EIF3A: variants seen among roughly 807,000 people sequenced by gnomAD.
The protein encoded by EIF3A is eukaryotic translation initiation factor 3 subunit A.
EIF3A carries 21 observed loss-of-function variants against 186.6 expected under a neutral mutation model. The ratio of observed to expected loss-of-function variants is 0.11; its 90% CI spans 0.08 to 0.16. The LOEUF is 0.16. Among genes scored for constraint, EIF3A ranks in the 10% least tolerant of loss-of-function variants. The pLI, the probability that EIF3A is intolerant of heterozygous loss-of-function variation, is 1.00. For synonymous variants in EIF3A, 563 were observed against 584.3 expected (o/e 0.96, Z 0.52); for missense variants, 1,306 against 1,796.3 (o/e 0.73, Z 4.93).
In EIF3A at chr10:119,037,649, A is replaced by C. The variant is rs148906209; in HGVS notation, c.3729-340T>G. Among the ~76,000 whole-genome samples, 315 of 152,312 alleles carry C rather than the reference A, an allele frequency of 2.1e-3. 2 individuals are homozygous for C. The highest frequency in any genetic ancestry group is 7.3e-3 in the African/African-American group (303 of 41,566). ...AGCAGACACATTTTCTTCCTTGAAG[A>C]AAATTGCATCGAACACTGCTGGTCT... is the stretch of plus-strand genomic sequence containing the variant. On this transcript the variant is annotated intron_variant, in intron 20 of 21. Transcript: ENST00000369144.
Position 119,051,305 on chromosome 10 carries a change from A to C in EIF3A, c.2213T>G (p.Leu738Arg). Reference sequence around the variant, plus strand: ...ATGTTCAAGAGCCTTTTCACGTTCTAGCTGCATTGTAGTAATCTGCAAGTA... The same window carrying C: ...ATGTTCAAGAGCCTTTTCACGTTCTCGCTGCATTGTAGTAATCTGCAAGTA... ...QEEERITTMQLEREKALEHKN... is the reference protein window; with the variant it reads ...QEEERITTMQREREKALEHKN... Residue 738 changes from leucine (L) to arginine (R), a missense_variant, in exon 15 of 22, where the codon CTA becomes CGA. Around this residue, in one of 8 missense-constraint regions of EIF3A, gnomAD observed 410 missense variants for 473.5 expected, o/e 0.87. Transcript: ENST00000369144. The C allele has an allele frequency of 2.5e-6, 4 of 1,599,730 alleles. No individual in the cohort carries two copies. Among genetic ancestry groups the C allele is most frequent in the Non-Finnish European group, 3.4e-6 (4 of 1,175,658 alleles).
At position 119,040,454 on chromosome 10, in the gene EIF3A, G is replaced by A. The variant is rs114337820; in HGVS notation, c.3526+1540C>T. Among the ~76,000 whole-genome samples the A allele has an allele frequency of 8.5e-5, 13 of 152,332 alleles. No individual in the cohort carries two copies. The East Asian group carries it at 1.3e-3, about 16-fold the overall frequency. ...GATGGGTGGGCGTGAACAAGTGCAC[G>A]TGTATGTGATGGTAATGAGTCCAGT... On this transcript the variant is annotated intron_variant, in intron 19 of 21. Transcript: ENST00000369144.
chr10:119,036,308 T>C, intron 21 of EIF3A, 40 bp from the exon 22 acceptor site: 1 of 1,354,280 alleles, frequency 7.4e-7, no homozygotes, highest in Non-Finnish European at 1.0e-6. Context: ...AAGTTAGTAC[T>C]ATATTCTATT....
At chr10:119,037,977 C>T (rs972918375) in intron 20 of EIF3A, among the ~76,000 whole-genome samples, 1 of 125,474 alleles carries the variant, frequency 8.0e-6, no homozygotes, top group Admixed American at 1.1e-4. Context: ...AGTGCAATGG[C>T]GCTATCTCGG....
In EIF3A at chr10:119,042,929, G is replaced by C. The variant is rs975547276; in HGVS notation, c.2748-157C>G. Among the ~76,000 whole-genome samples, 2 of 152,178 alleles carry C rather than the reference G, an allele frequency of 1.3e-5. No individual in the cohort carries two copies. The highest frequency in any genetic ancestry group is 4.8e-5 in the African/African-American group (2 of 41,448). ...GCACTCTGGGAAGCAGAGGCAGGCAGATCACCTGAGGTCAGGAGTTCAAGA... is the reference window on the plus strand; with the variant it reads ...GCACTCTGGGAAGCAGAGGCAGGCACATCACCTGAGGTCAGGAGTTCAAGA... On this transcript the variant is annotated intron_variant, in intron 18 of 21. Transcript: ENST00000369144. This position sits in a 1 kb window ranked among gnomAD's most constrained non-coding sequence, Gnocchi z 7.8.
intron 14 of EIF3A, among the ~76,000 whole-genome samples, chr10:119,054,213 G>C (rs2119818990): frequency 6.6e-6 from 1 of 152,204 alleles, no homozygotes; most frequent in South Asian, 2.1e-4. Context: ...GAGCCACCAG[G>C]CCTGGCCTTC....
intron 4 of EIF3A, among the ~76,000 whole-genome samples, 170 bp from the exon 5 acceptor site, chr10:119,071,255 T>G (rs901429519): frequency 3.5e-4 from 53 of 152,236 alleles, no homozygotes; most frequent in African/African-American, 1.2e-3. Flanking sequence ...ACTACCTTTT[T>G]GAGTGAGCCC....
At chr10:119,059,020 T>C (rs1843837370) in intron 11 of EIF3A, among the ~76,000 whole-genome samples, 192 bp downstream of exon 11, 1 of 152,248 alleles carries the variant, frequency 6.6e-6, no homozygotes, top group Non-Finnish European at 1.5e-5. Flanking sequence ...GAGTAGTATT[T>C]TGTTCAATGG....
Position 119,037,366 on chromosome 10 carries a change from A to G in EIF3A, c.3729-57T>C, listed in dbSNP as rs577740594. ...TTACTGTTAGACCAAATGGATAATT[A>G]TAAGTACATCCAGTCCAAGCTGGGG... On this transcript the variant is annotated intron_variant, in intron 20 of 21. Transcript: ENST00000369144. The G allele has an allele frequency of 9.0e-5, 133 of 1,472,214 alleles. 1 individual carries two copies. Among genetic ancestry groups the G allele is most frequent in the South Asian group, 5.3e-4 (46 of 87,426 alleles). The allele number at this position is 1,472,214 out of a possible 1,614,324, so 91.2% of individuals were successfully genotyped here.
intron 1 of EIF3A, among the ~76,000 whole-genome samples, chr10:119,076,950 A>AAG (rs1554873808): frequency 0.011 from 1,723 of 151,604 alleles, 33 homozygotes; most frequent in African/African-American, 0.04. Flanking sequence ...AAAAAAAAAA[A>AAG]AAAGAAAATG....
At chr10:119,064,123 T>C (rs1190930988) in intron 7 of EIF3A, among the ~76,000 whole-genome samples, 1 of 152,182 alleles carries the variant, frequency 6.6e-6, no homozygotes, top group African/African-American at 2.4e-5. Flanking sequence ...TCTAAAACTT[T>C]TGTATTATAT....
intron 17 of EIF3A, among the ~76,000 whole-genome samples, chr10:119,049,265 A>C (rs542027508): frequency 6.6e-6 from 1 of 152,204 alleles, no homozygotes; most frequent in Admixed American, 6.5e-5. Flanking sequence ...TTCAAGACCA[A>C]CCTGGCCAAC....
intron 1 of EIF3A, among the ~76,000 whole-genome samples, chr10:119,078,347 C>T (rs184118936): frequency 2.0e-5 from 3 of 152,228 alleles, no homozygotes; most frequent in African/African-American, 7.2e-5. Flanking sequence ...CCAAAAATTG[C>T]TCATATATAT....
In EIF3A at chr10:119,073,304, G is replaced by A. The variant is rs929795760; in HGVS notation, c.377+137C>T. ...TTTTTATTACCTACATAAATTAACT[G>A]GTTACTATGCATTTAAAACTTCAAA... On this transcript the variant is annotated intron_variant, in intron 3 of 21. Coordinates refer to ENST00000369144, the MANE Select transcript of EIF3A (RefSeq NM_003750.4). The A allele has an allele frequency of 4.1e-6, 3 of 726,088 alleles. No individual in the cohort carries two copies. The South Asian group carries it at 6.1e-5, about 15-fold the overall frequency. The allele number at this position is 726,088 out of a possible 1,614,324, so 45.0% of individuals were successfully genotyped here. A position where few individuals can be genotyped will look rare whatever the true frequency, so the allele number is the denominator to read the frequency against.
intron 6 of EIF3A, among the ~76,000 whole-genome samples, chr10:119,067,749 A>G (rs566111822): frequency 2.0e-5 from 3 of 152,234 alleles, no homozygotes; most frequent in Non-Finnish European, 2.9e-5. Context: ...ATTCTACTGG[A>G]TAACAAAATA....
chr10:119,080,353 T>A, intron 1 of EIF3A: 2 of 985,354 alleles, frequency 2.0e-6, no homozygotes, highest in Non-Finnish European at 2.4e-6. Context: ...AGGGGCTGTC[T>A]CCCGGGCTGC....
chr10:119,052,298 C>T lies in EIF3A; in HGVS notation c.2197-977G>A, dbSNP rs116874875. 3.3e-3 allele frequency among the ~76,000 whole-genome samples: 499 copies of T among 152,150 alleles called. 1 individual carries two copies. The highest frequency in any genetic ancestry group is 4.7e-3 in the Non-Finnish European group (323 of 68,006). ...TGCTCATCCATAAGAAGCAACTCCT[C>T]ACCCATCCAAGCTTTATCATGAGAT... On this transcript the variant is annotated intron_variant, in intron 14 of 21. Transcript: ENST00000369144.
At chr10:119,075,879 A>ATTTTTTTT (rs58100835) in intron 1 of EIF3A, among the ~76,000 whole-genome samples, 2 of 94,070 alleles carry the variant, frequency 2.1e-5, no homozygotes, top group African/African-American at 8.1e-5. Context: ...CGCCTGGCTA[A>ATTTTTTTT]TTTTTTTTTT....
intron 14 of EIF3A, among the ~76,000 whole-genome samples, chr10:119,051,539 C>G (rs1226540847): frequency 3.9e-5 from 6 of 152,134 alleles, no homozygotes; most frequent in East Asian, 1.9e-4. Flanking sequence ...TTAGGAGAGA[C>G]AGTTTTCATT....
Sources: gnomAD v4.1 joint callset for allele counts (sites outside exome capture counted in the v4.1 genomes callset) on GRCh38, gnomAD v4.1.1 for gene constraint, gnomAD v4.1.1 regional missense constraint, Gnocchi (gnomAD v3.1) non-coding constraint, MANE v1.5 for transcripts, NCBI Gene and HGNC (gene_info 2026-07-23, HGNC 2026-07-21) for gene names.